Variants in RAD51AP2 observed in about 807,000 individuals in gnomAD.
The protein encoded by RAD51AP2 is RAD51 associated protein 2, also known as RAD51-associated protein 2.
Under a neutral mutation model 85.5 loss-of-function variants are expected in RAD51AP2, and 67 were observed. That is an observed-to-expected ratio of 0.78 (90% confidence interval 0.64 to 0.96). The LOEUF (loss-of-function observed/expected upper bound fraction) is 0.96. Among genes scored for constraint, RAD51AP2 ranks in the 40% least tolerant of loss-of-function variants. RAD51AP2 has a pLI of 0.00. For missense variants in RAD51AP2, 1,307 were observed against 1,332.4 expected (o/e 0.98, Z 0.30); for synonymous variants, 474 against 446.5 (o/e 1.06, Z -0.78).
Position 17,510,741 on chromosome 2 carries a change from G to A in RAD51AP2, c.*63C>T. 2.6e-6 allele frequency: 3 copies of A among 1,164,984 alleles called. No individual in the cohort carries two copies. The highest frequency in any genetic ancestry group is 3.5e-6 in the Non-Finnish European group (3 of 862,750). The allele number at this position is 1,164,984 out of a possible 1,614,324, so 72.2% of individuals were successfully genotyped here. On this transcript the variant is annotated 3_prime_UTR_variant, in exon 3 of 3. Coordinates refer to ENST00000399080, the MANE Select transcript of RAD51AP2 (RefSeq NM_001099218.3). ...CAAGCCCCAAACCCCCAAGCTGGAA[G>A]AACATATATCCAAAGAAAACAAAAC...
the RAD51AP2 span, among the ~76,000 whole-genome samples, chr2:17,532,522 G>GA: frequency 2.3e-4 from 34 of 150,790 alleles, no homozygotes; most frequent in Admixed American, 1.5e-3. Context: ...CCTCAAAAAA[G>GA]AAAAAAAAAT....
the RAD51AP2 span, among the ~76,000 whole-genome samples, chr2:17,533,935 A>T: frequency 2.0e-5 from 3 of 152,120 alleles, no homozygotes; most frequent in Non-Finnish European, 4.4e-5. Flanking sequence ...CTTTCATTAA[A>T]ATCAAAAATA....
chr2:17,517,421 G>T lies in RAD51AP2; in HGVS notation c.995C>A (p.Pro332Gln). Residue 332 changes from proline to glutamine, a missense_variant, in exon 1 of 3, where the codon CCA becomes CAA. Physicochemically the swap from Pro to Gln is moderately conservative, Grantham distance 76. Transcript: ENST00000399080. ...ACAAGTATTTTGGCTACTGAGTGAT[G>T]GGTAGTCATTTTCATAACATTTGGA... The part of the protein sequence containing the change: ...IFSKCYENDY[P>Q]SLSSQNTCKR... The T allele has an allele frequency of 6.2e-7, 1 of 1,613,464 alleles. No individual in the cohort carries two copies.
chr2:17,518,236 C>T lies in RAD51AP2; in HGVS notation c.180G>A (p.Ala60=). Residue 60 remains alanine (A), a synonymous_variant, in exon 1 of 3, where the codon GCG becomes GCA. Coordinates refer to ENST00000399080, the MANE Select transcript of RAD51AP2 (RefSeq NM_001099218.3). The part of the protein sequence containing the change: ...RLPLVPRLSE[A]EKVWELSPRP... ...TAGGGGACAACTCCCAGACTTTTTC[C>T]GCCTCAGACAAGCGAGGCACCAGAG... 1.2e-6 allele frequency: 2 copies of T among 1,614,114 alleles called. No individual in the cohort carries two copies. The highest frequency in any genetic ancestry group is 1.7e-6 in the Non-Finnish European group (2 of 1,180,006).
At chr2:17,535,728 C>T in the RAD51AP2 span, among the ~76,000 whole-genome samples, 7 of 151,922 alleles carry the variant, frequency 4.6e-5, no homozygotes, top group Non-Finnish European at 1.0e-4. Context: ...GGCAGAGGGG[C>T]AGGGGAGAAA....
At position 17,518,319 on chromosome 2, in the gene RAD51AP2, TA is replaced by T. The variant is rs1198675739; in HGVS notation, c.96del (p.Ser32ArgfsTer71). The T allele has an allele frequency of 6.2e-7, 1 of 1,614,108 alleles. No homozygotes were observed. The highest frequency in any genetic ancestry group is 1.7e-5 in the Admixed American group (1 of 60,024). ...GGCTCCTCAAGACAGAGCCGCTTGC[TA>T]CTAGGTGGTTGGGAATCCGGGTCCT... ...PPEDPDSQPP[S>X]SKRLCLEEPG... On this transcript the variant is annotated frameshift_variant, in exon 1 of 3. Coordinates refer to ENST00000399080, the MANE Select transcript of RAD51AP2 (RefSeq NM_001099218.3). LOFTEE classifies it high-confidence loss of function.
At chr2:17,521,772 C>T (rs1662861844), upstream of RAD51AP2, among the ~76,000 whole-genome samples, 1 of 151,946 alleles carries the variant, frequency 6.6e-6, no homozygotes, top group Non-Finnish European at 1.5e-5. Context: ...ATGCTTTAAA[C>T]TATAAACCAC....
the RAD51AP2 span, among the ~76,000 whole-genome samples, chr2:17,534,250 C>T: frequency 1.3e-5 from 2 of 152,038 alleles, no homozygotes; most frequent in African/African-American, 2.4e-5. Context: ...TTTTTATATA[C>T]TCTGGTTTCC....
At chr2:17,526,871 C>T in the RAD51AP2 span, among the ~76,000 whole-genome samples, 1 of 152,026 alleles carries the variant, frequency 6.6e-6, no homozygotes, top group African/African-American at 2.4e-5. Flanking sequence ...GCCAGAGGTT[C>T]AGTAGAATTA....
chr2:17,520,754 TC>T (rs1381794276), upstream of RAD51AP2, among the ~76,000 whole-genome samples: 1 of 28,050 alleles, frequency 3.6e-5, no homozygotes, highest in Non-Finnish European at 1.4e-4. Flanking sequence ...TCTTTCAGCT[TC>T]TTTTTTTTTT....
At chr2:17,535,016 T>C in the RAD51AP2 span, among the ~76,000 whole-genome samples, 1 of 152,222 alleles carries the variant, frequency 6.6e-6, no homozygotes, top group South Asian at 2.1e-4. Flanking sequence ...AATAGATGTA[T>C]TGTCATTATA....
At chr2:17,526,693 AG>A in the RAD51AP2 span, among the ~76,000 whole-genome samples, 2 of 152,124 alleles carry the variant, frequency 1.3e-5, no homozygotes, top group African/African-American at 4.8e-5. Context: ...TTGGGGATTG[AG>A]AAATAGAAGA....
chr2:17,511,032 T>C, intron 2 of RAD51AP2, 77 bp from the exon 3 acceptor site: 1 of 898,550 alleles, frequency 1.1e-6, no homozygotes, highest in Non-Finnish European at 1.6e-6. Context: ...AATCATGATA[T>C]TAGCAACTTT....
the RAD51AP2 span, among the ~76,000 whole-genome samples, chr2:17,528,177 A>C: frequency 6.6e-6 from 1 of 152,154 alleles, no homozygotes; most frequent in African/African-American, 2.4e-5. Flanking sequence ...CCCTGCTTTA[A>C]TGTAGTCTCA....
the RAD51AP2 span, among the ~76,000 whole-genome samples, chr2:17,527,494 T>C: frequency 3.3e-5 from 5 of 152,172 alleles, no homozygotes; most frequent in Non-Finnish European, 5.9e-5. Flanking sequence ...AGCAAGAGAA[T>C]ACTGTCTCTA....
chr2:17,525,286 T>C, the RAD51AP2 span, among the ~76,000 whole-genome samples: 2 of 152,082 alleles, frequency 1.3e-5, no homozygotes, highest in African/African-American at 4.8e-5. Flanking sequence ...TAACTGAATT[T>C]AGCATCAGTG....
Position 17,513,194 on chromosome 2 carries a change from G to A in RAD51AP2, c.3328+818C>T, listed in dbSNP as rs578217956. On this transcript the variant is annotated intron_variant, in intron 2 of 2. Coordinates refer to ENST00000399080, the MANE Select transcript of RAD51AP2 (RefSeq NM_001099218.3). ...TTATTCTGATATTGTAGATCTGTTG[G>A]GCAAAAGATAAGGTTAGTTGTTTAA... Among the ~76,000 whole-genome samples the A allele has an allele frequency of 1.5e-4, 23 of 151,100 alleles. No individual in the cohort carries two copies. In the South Asian group the frequency reaches 4.8e-3, roughly 32 times the overall value.
At chr2:17,529,294 C>T in the RAD51AP2 span, among the ~76,000 whole-genome samples, 1 of 151,256 alleles carries the variant, frequency 6.6e-6, no homozygotes, top group Non-Finnish European at 1.5e-5. Context: ...TTTTTTTTCT[C>T]TTTAGAATTA....
upstream of RAD51AP2, among the ~76,000 whole-genome samples, chr2:17,519,202 G>C (rs1662801191): frequency 6.6e-6 from 1 of 151,366 alleles, no homozygotes; most frequent in African/African-American, 2.4e-5. Context: ...ACCCCATTTA[G>C]TGTAAACATA....
Sources: gnomAD v4.1 joint callset for allele counts (sites outside exome capture counted in the v4.1 genomes callset) on GRCh38, gnomAD v4.1.1 for gene constraint, MANE v1.5 for transcripts, NCBI Gene and HGNC (gene_info 2026-07-23, HGNC 2026-07-21) for gene names.